GRIK1: variants seen among roughly 807,000 people sequenced by gnomAD.
The protein encoded by GRIK1 is glutamate receptor ionotropic, kainate 1.
Under a neutral mutation model 105.7 loss-of-function variants are expected in GRIK1, and 69 were observed. The observed-to-expected ratio is 0.65, with a 90% CI of 0.54 to 0.80. The LOEUF is 0.80. Among genes scored for constraint, GRIK1 ranks in the 30% least tolerant of loss-of-function variants. The pLI, the probability that GRIK1 is intolerant of heterozygous loss-of-function variation, is 0.00. For missense variants in GRIK1, 1,109 were observed against 1,167.3 expected, an observed-to-expected ratio of 0.95 and a Z score of 0.73; for synonymous variants, 438 against 431.3, an observed-to-expected ratio of 1.02 and a Z score of -0.19.
At chr21:29,725,025 A>AG (rs1491396342) in intron 1 of GRIK1, among the ~76,000 whole-genome samples, 3 of 149,808 alleles carry the variant, frequency 2.0e-5, no homozygotes, top group Non-Finnish European at 3.0e-5. Flanking sequence ...AAAAAAAAAA[A>AG]AGAAACTCTA....
intron 1 of GRIK1, among the ~76,000 whole-genome samples, chr21:29,926,611 AATTT>A (rs2071379893): frequency 1.3e-5 from 2 of 151,860 alleles, no homozygotes; most frequent in African/African-American, 4.8e-5. Context: ...TATTGTTGTT[AATTT>A]ATTTATGTAT....
intron 1 of GRIK1, among the ~76,000 whole-genome samples, chr21:29,917,276 G>A (rs919845583): frequency 1.3e-5 from 2 of 152,010 alleles, no homozygotes; most frequent in Non-Finnish European, 2.9e-5. Flanking sequence ...ATTTGATGAG[G>A]TATGAAGCCC....
At chr21:29,604,716 C>G (rs916556150) in intron 7 of GRIK1, among the ~76,000 whole-genome samples, 2 of 152,118 alleles carry the variant, frequency 1.3e-5, no homozygotes, top group African/African-American at 4.8e-5. Flanking sequence ...TAGGAAAGAG[C>G]TTTATTTTCT....
At chr21:29,903,156 T>G (rs2070472476) in intron 1 of GRIK1, among the ~76,000 whole-genome samples, 1 of 152,190 alleles carries the variant, frequency 6.6e-6, no homozygotes, top group Admixed American at 6.5e-5. Context: ...GACTTAAACA[T>G]AAGACCTAGG....
intron 12 of GRIK1, 93 bp downstream of exon 12, chr21:29,587,273 C>A: frequency 4.1e-6 from 3 of 724,794 alleles, no homozygotes; most frequent in Non-Finnish European, 7.0e-6. Context: ...TAAAAGTACA[C>A]TTTAAAGTTC....
At chr21:29,800,520 G>C (rs1029852468) in intron 1 of GRIK1, among the ~76,000 whole-genome samples, 74 of 152,250 alleles carry the variant, frequency 4.9e-4, no homozygotes, top group African/African-American at 1.7e-3. Flanking sequence ...ACTTTAAAAA[G>C]GGAATGTGTT....
chr21:29,563,125 T>C (rs904778354), intron 14 of GRIK1, among the ~76,000 whole-genome samples: 3 of 152,188 alleles, frequency 2.0e-5, no homozygotes, highest in African/African-American at 7.2e-5. Context: ...CAGTTATATA[T>C]AGTGCTCGCA....
rs564013606 is a variant in GRIK1, at chr21:29,897,098, G to A, written c.118+42285C>T. On this transcript the variant is annotated intron_variant, in intron 1 of 17. Coordinates refer to ENST00000327783, the MANE Select transcript of GRIK1 (RefSeq NM_001330994.2). ...TTCATATAGTCCTGTGTGCATGTGT[G>A]TGTGCACATACACACAATCTCGACC... Among the ~76,000 whole-genome samples, 10 of 152,322 alleles carry A rather than the reference G, an allele frequency of 6.6e-5. No homozygotes were observed. In the East Asian group the frequency reaches 1.9e-3, roughly 29 times the overall value.
chr21:29,632,903 A>G (rs1184215163), intron 7 of GRIK1, among the ~76,000 whole-genome samples: 1 of 152,162 alleles, frequency 6.6e-6, no homozygotes, highest in Non-Finnish European at 1.5e-5. Context: ...CTATTTCAGG[A>G]ATAGGTGTCT....
intron 9 of GRIK1, among the ~76,000 whole-genome samples, chr21:29,593,970 A>C (rs1257949353): frequency 6.6e-6 from 1 of 152,226 alleles, no homozygotes; most frequent in Non-Finnish European, 1.5e-5. Context: ...AGTCCTATTC[A>C]GTTTAAACTT....
At chr21:29,765,546 G>T (rs1174889422) in intron 1 of GRIK1, among the ~76,000 whole-genome samples, 2 of 151,806 alleles carry the variant, frequency 1.3e-5, no homozygotes, top group Admixed American at 6.6e-5. Flanking sequence ...TTTCTTTCTA[G>T]CCCTAAATTG....
chr21:29,552,789 C>G (rs989744109), intron 16 of GRIK1, among the ~76,000 whole-genome samples: 19 of 152,104 alleles, frequency 1.2e-4, no homozygotes, highest in African/African-American at 4.6e-4. Flanking sequence ...GACTCAGAAC[C>G]TACAGAAGAC....
At position 29,555,104 on chromosome 21, in the gene GRIK1, A is replaced by G. The variant is rs2090217631; in HGVS notation, c.2555T>C (p.Val852Ala). The G allele has an allele frequency of 1.2e-6, 2 of 1,611,814 alleles. No individual in the cohort carries two copies. The highest frequency in any genetic ancestry group is 1.7e-6 in the Non-Finnish European group (2 of 1,177,862). ...LAAGLVLSVF[V>A]AIGEFIYKSR... ...TTTGTATATGAATTCTCCAATAGCT[A>G]CAAATACAGAAAGGACCAGTCCGGC... The change falls in exon 16 of 18, where the codon GTA (valine) becomes GCA (alanine). Residue 852 changes from valine to alanine, a missense_variant. Val to Ala is a moderately conservative substitution (Grantham distance 64). Around this residue, in one of 5 missense-constraint regions of GRIK1, gnomAD observed 161 missense variants for 143.4 expected, o/e 1.12. Coordinates refer to ENST00000327783, the MANE Select transcript of GRIK1 (RefSeq NM_001330994.2).
At chr21:29,539,169 T>G (rs1568787171) in intron 16 of GRIK1, among the ~76,000 whole-genome samples, 2 of 152,166 alleles carry the variant, frequency 1.3e-5, no homozygotes, top group East Asian at 3.8e-4. Context: ...GTCAGAAAGT[T>G]TTTTATGAAC....
chr21:29,738,659 G>A (rs148511779), intron 1 of GRIK1, among the ~76,000 whole-genome samples: 1 of 152,142 alleles, frequency 6.6e-6, no homozygotes, highest in African/African-American at 2.4e-5. Flanking sequence ...TTCTGTGGAG[G>A]AACTATATTT....
At chr21:29,712,078 A>G (rs1417071245) in intron 1 of GRIK1, among the ~76,000 whole-genome samples, 1 of 108,408 alleles carries the variant, frequency 9.2e-6, no homozygotes, top group Non-Finnish European at 1.8e-5. Context: ...ATATGTATAC[A>G]TACATACACA....
intron 4 of GRIK1, among the ~76,000 whole-genome samples, chr21:29,655,879 G>T (rs1368404339): frequency 6.6e-6 from 1 of 152,096 alleles, no homozygotes; most frequent in African/African-American, 2.4e-5. Flanking sequence ...AAGGACAGGG[G>T]TTCTACGTTC....
At chr21:29,884,197 G>A (rs2069525143) in intron 1 of GRIK1, among the ~76,000 whole-genome samples, 1 of 151,992 alleles carries the variant, frequency 6.6e-6, no homozygotes, top group South Asian at 2.1e-4. Flanking sequence ...GAAAGAACAG[G>A]CAGAGGGTTA....
rs145076502 is a variant in GRIK1 at position 29,887,802 on chromosome 21, T to C, written c.118+51581A>G. On this transcript the variant is annotated intron_variant, in intron 1 of 17. Coordinates refer to ENST00000327783, the MANE Select transcript of GRIK1 (RefSeq NM_001330994.2). ...TATGTTCACAGCAGGAGAAGGGGAA[T>C]GTGGAAGAAATTTCCAGTATGCTTA... 5.9e-5 allele frequency among the ~76,000 whole-genome samples: 9 copies of C among 152,106 alleles called. No individual in the cohort carries two copies. In the East Asian group the frequency reaches 1.7e-3, roughly 29 times the overall value.
Sources: gnomAD v4.1 joint callset for allele counts (sites outside exome capture counted in the v4.1 genomes callset) on GRCh38, gnomAD v4.1.1 for gene constraint, gnomAD v4.1.1 regional missense constraint, MANE v1.5 for transcripts, NCBI Gene and HGNC (gene_info 2026-07-23, HGNC 2026-07-21) for gene names.